The following ATRN variants were observed in gnomAD, a reference collection of about 807,000 sequenced individuals.
The protein encoded by ATRN is attractin-2.
In ATRN, 54 loss-of-function variants were observed where a neutral mutation model predicts 178.7. The ratio of observed to expected loss-of-function variants is 0.30; its 90% CI spans 0.24 to 0.38. The LOEUF (loss-of-function observed/expected upper bound fraction) is 0.38. ATRN is among the 10% of genes least tolerant of loss of function. ATRN has a pLI of 1.00. For synonymous variants in ATRN, 636 were observed against 663.0 expected (o/e 0.96, Z 0.63); for missense variants, 1,443 against 1,815.1 (o/e 0.79, Z 3.73).
At chr20:3,624,652 A>G (rs1207946623) in intron 25 of ATRN, 80 bp downstream of exon 25, 3 of 1,133,784 alleles carry the variant, frequency 2.6e-6, no homozygotes, top group Admixed American at 2.1e-5. Context: ...CTCCTAAAAG[A>G]TAAAAAGAAT....
intron 25 of ATRN, among the ~76,000 whole-genome samples, chr20:3,626,997 G>C (rs1030715223): frequency 2.6e-5 from 4 of 151,964 alleles, no homozygotes; most frequent in African/African-American, 4.8e-5. Context: ...AGGTTGGCCA[G>C]GCTGGTCTCG....
Position 3,546,355 on chromosome 20 carries a change from A to T in ATRN, c.737+465A>T, listed in dbSNP as rs189466838. Reference sequence around the variant, plus strand: ...ATTGTTTCAAAGCACTGTCAGTACAATTATATTATTATGAGATGCGTTATA... The same window carrying T: ...ATTGTTTCAAAGCACTGTCAGTACATTTATATTATTATGAGATGCGTTATA... On this transcript the variant is annotated intron_variant, in intron 4 of 28. Coordinates refer to ENST00000262919, the MANE Select transcript of ATRN (RefSeq NM_139321.3). Among the ~76,000 whole-genome samples, 517 of 150,718 alleles carry T rather than the reference A, an allele frequency of 3.4e-3. 2 individuals are homozygous for T. Among genetic ancestry groups the T allele is most frequent in the Non-Finnish European group, 6.1e-3 (414 of 67,808 alleles).
At chr20:3,497,816 G>T (rs974695159) in intron 1 of ATRN, among the ~76,000 whole-genome samples, 3 of 151,992 alleles carry the variant, frequency 2.0e-5, no homozygotes, top group Non-Finnish European at 4.4e-5. Flanking sequence ...ACGTAGACTT[G>T]GTCTTTTCAC....
rs1405842422 is a variant in ATRN at position 3,597,059 on chromosome 20, C to CATATATATATATATATATAT, written c.3469+645_3469+646insTATATATATATATATATATA. On this transcript the variant is annotated intron_variant, in intron 21 of 28. Transcript: ENST00000262919. ...CACTTGGAACCTGTGAATATGACTT[C>CATATATATATATATATATAT]ATATATATATATATAAAACTTCTAA... 1.1e-3 allele frequency among the ~76,000 whole-genome samples: 27 copies of CATATATATATATATATATAT among 24,378 alleles called. No homozygotes were observed. The South Asian group carries it at 0.012, about 11-fold the overall frequency. 16.0% of individuals were successfully genotyped at this position (24,378 alleles called of 152,430 possible).
intron 12 of ATRN, among the ~76,000 whole-genome samples, chr20:3,574,366 G>T (rs2086173982): frequency 6.6e-6 from 1 of 152,134 alleles, no homozygotes; most frequent in African/African-American, 2.4e-5. Context: ...ACAAAAATTA[G>T]CCAGGCATGG....
intron 1 of ATRN, among the ~76,000 whole-genome samples, chr20:3,520,979 C>T (rs1052870129): frequency 4.6e-5 from 7 of 152,080 alleles, no homozygotes; most frequent in African/African-American, 1.7e-4. Context: ...TCGAAGTCGA[C>T]TTCATGTGAA....
intron 21 of ATRN, among the ~76,000 whole-genome samples, chr20:3,597,074 A>ATATATATATATAT (rs1555822793): frequency 1.4e-5 from 2 of 147,006 alleles, no homozygotes; most frequent in African/African-American, 2.5e-5. Flanking sequence ...ATATATATAT[A>ATATATATATATAT]AAACTTCTAA....
intron 1 of ATRN, among the ~76,000 whole-genome samples, chr20:3,496,431 G>A (rs1445997551): frequency 6.6e-6 from 1 of 152,012 alleles, no homozygotes; most frequent in African/African-American, 2.4e-5. Flanking sequence ...TTCAGGAGCA[G>A]GTTGTTCAGT....
At chr20:3,521,873 C>G (rs1451881084) in intron 1 of ATRN, among the ~76,000 whole-genome samples, 1 of 152,188 alleles carries the variant, frequency 6.6e-6, no homozygotes, top group East Asian at 1.9e-4. Flanking sequence ...GCCTCTATCT[C>G]TGGGCTCAAA....
intron 15 of ATRN, 94 bp from the exon 16 acceptor site, chr20:3,582,041 A>G (rs974490967): frequency 8.4e-7 from 1 of 1,187,088 alleles, no homozygotes; most frequent in African/African-American, 1.5e-5. Context: ...GGAGTTTGAA[A>G]CTAGCCAGGG....
At chr20:3,565,197 AT>A in intron 10 of ATRN, 150 bp from the exon 11 acceptor site, 1 of 635,940 alleles carries the variant, frequency 1.6e-6, no homozygotes. Flanking sequence ...CTGCTGCTTC[AT>A]TTTAACCCAG....
intron 24 of ATRN, among the ~76,000 whole-genome samples, chr20:3,607,691 A>G (rs911012162): frequency 3.3e-5 from 5 of 152,226 alleles, no homozygotes; most frequent in Non-Finnish European, 7.3e-5. Context: ...CATTTAGAGC[A>G]TGCAGTATCT....
intron 1 of ATRN, among the ~76,000 whole-genome samples, chr20:3,508,572 A>G (rs1372722806): frequency 6.6e-6 from 1 of 152,246 alleles, no homozygotes; most frequent in East Asian, 1.9e-4. Context: ...TCAAAAATGA[A>G]GAACTAAAGA....
Position 3,627,895 on chromosome 20 carries a change from G to A in ATRN, c.3863+3323G>A, listed in dbSNP as rs760656016. On this transcript the variant is annotated intron_variant, in intron 25 of 28. Coordinates refer to ENST00000262919, the MANE Select transcript of ATRN (RefSeq NM_139321.3). ...ATTGGTAACATAACCTTTTTAGGCCGGGTGCAGTGGCTCACGCCTGTAATC... is the reference window on the plus strand; with the variant it reads ...ATTGGTAACATAACCTTTTTAGGCCAGGTGCAGTGGCTCACGCCTGTAATC... Among the ~76,000 whole-genome samples, 29 of 152,300 alleles carry A rather than the reference G, an allele frequency of 1.9e-4. 1 individual carries two copies. Among genetic ancestry groups the A allele is most frequent in the African/African-American group, 7.0e-4 (29 of 41,570 alleles).
Position 3,578,706 on chromosome 20 carries a change from T to C in ATRN, c.2478T>C (p.Leu826=), listed in dbSNP as rs2086243414. 1 of 1,614,042 alleles carries C rather than the reference T, an allele frequency of 6.2e-7. No homozygotes were observed. The highest frequency in any genetic ancestry group is 8.5e-7 in the Non-Finnish European group (1 of 1,179,998). ...CRNHNALLAS[L]TTQKKVEFVL... ...ACCACAATGCCCTTTTGGCTTCTCT[T>C]ACAACCCAGAAGAAGGTAGAATTTG... Residue 826 remains leucine, a synonymous_variant, in exon 15 of 29, where the codon CTT becomes CTC. Coordinates refer to ENST00000262919, the MANE Select transcript of ATRN (RefSeq NM_139321.3).
chr20:3,525,420 C>CA (rs1267664199), intron 1 of ATRN, among the ~76,000 whole-genome samples: 6 of 151,628 alleles, frequency 4.0e-5, no homozygotes, highest in African/African-American at 1.5e-4. Context: ...GCCTATCAAC[C>CA]AAAAAAAAGC....
intron 1 of ATRN, among the ~76,000 whole-genome samples, chr20:3,478,831 C>T (rs1022228161): frequency 3.9e-5 from 6 of 151,984 alleles, no homozygotes; most frequent in African/African-American, 1.5e-4. Flanking sequence ...CTAAATTCAG[C>T]ACCTCCCTCC....
chr20:3,594,372 T>G (rs2086493999), intron 19 of ATRN, 107 bp from the exon 20 acceptor site: 2 of 773,588 alleles, frequency 2.6e-6, no homozygotes, highest in Non-Finnish European at 4.1e-6. Flanking sequence ...TAATCTGTCT[T>G]TCCTACTGAA....
At position 3,526,544 on chromosome 20, in the gene ATRN, C is replaced by T. The variant is rs149588510; in HGVS notation, c.411-8709C>T. Among the ~76,000 whole-genome samples the T allele has an allele frequency of 1.4e-3, 219 of 152,256 alleles. 7 individuals are homozygous for T. In the East Asian group the frequency reaches 0.041, roughly 29 times the overall value. On this transcript the variant is annotated intron_variant, in intron 1 of 28. Transcript: ENST00000262919. ...TTTATAGATTCAATACTATCCCCAT[C>T]AAGCTACCATTGACTTTCTTCACAG...
Sources: gnomAD v4.1 joint callset for allele counts (sites outside exome capture counted in the v4.1 genomes callset) on GRCh38, gnomAD v4.1.1 for gene constraint, MANE v1.5 for transcripts, NCBI Gene and HGNC (gene_info 2026-07-23, HGNC 2026-07-21) for gene names.